KIF20B: variants seen among roughly 807,000 people sequenced by gnomAD.
The protein encoded by KIF20B is kinesin family member 20B.
Under a neutral mutation model 232.5 loss-of-function variants are expected in KIF20B, and 188 were observed. That is an observed-to-expected ratio of 0.81 (90% confidence interval 0.72 to 0.91). The LOEUF (loss-of-function observed/expected upper bound fraction) is 0.91, where lower values mean the gene tolerates loss of function less well. Among genes scored for constraint, KIF20B ranks in the 40% least tolerant of loss-of-function variants. The pLI, the probability that KIF20B is intolerant of heterozygous loss-of-function variation, is 0.00. For missense variants in KIF20B, 2,154 were observed against 2,055.9 expected (o/e 1.05, Z -0.92); for synonymous variants, 712 against 683.0 (o/e 1.04, Z -0.66).
At position 89,732,878 on chromosome 10, in the gene KIF20B, T is replaced by A. The variant is rs200022405; in HGVS notation, c.2392-25T>A. On this transcript the variant is annotated intron_variant, in intron 18 of 32. Transcript: ENST00000371728. ...TTTTTTGTAGCTTTCTATATGTGAA[T>A]TATTTTTAACTTATTTTGCTTTAGG... The A allele has an allele frequency of 8.8e-5, 132 of 1,501,070 alleles. 1 individual carries two copies. The highest frequency in any genetic ancestry group is 1.4e-5 in the Non-Finnish European group (16 of 1,118,018). The allele number at this position is 1,501,070 out of a possible 1,614,324, so 93.0% of individuals were successfully genotyped here. A position where few individuals can be genotyped will look rare whatever the true frequency, so the allele number is the denominator to read the frequency against.
chr10:89,757,938 T>C (rs1284054389), intron 26 of KIF20B, among the ~76,000 whole-genome samples: 4 of 151,978 alleles, frequency 2.6e-5, no homozygotes, highest in African/African-American at 7.2e-5. Flanking sequence ...CAGTTGACCA[T>C]GCATTTGTAG....
intron 30 of KIF20B, 91 bp downstream of exon 30, chr10:89,768,482 A>C: frequency 1.2e-6 from 1 of 834,146 alleles, no homozygotes; most frequent in Non-Finnish European, 1.9e-6. Flanking sequence ...TTTCCTATAC[A>C]TCTGATTCAG....
At chr10:89,716,338 C>A in intron 8 of KIF20B, 98 bp from the exon 9 acceptor site, 2 of 587,476 alleles carry the variant, frequency 3.4e-6, no homozygotes, top group Non-Finnish European at 3.0e-6. Flanking sequence ...AGAAAGATTT[C>A]ATTATATGTC....
intron 21 of KIF20B, among the ~76,000 whole-genome samples, chr10:89,740,099 G>A (rs1371887592): frequency 6.6e-6 from 1 of 152,120 alleles, no homozygotes; most frequent in African/African-American, 2.4e-5. Context: ...GATATGAAGT[G>A]TTATCTCATG....
At chr10:89,722,890 T>G (rs1040887095) in intron 13 of KIF20B, among the ~76,000 whole-genome samples, 6 of 152,184 alleles carry the variant, frequency 3.9e-5, no homozygotes, top group Non-Finnish European at 8.8e-5. Flanking sequence ...TATATATTAC[T>G]GTTTTGTAAC....
In KIF20B at chr10:89,738,445, A is replaced by C; in HGVS notation, c.3604A>C (p.Lys1202Gln). 1 of 1,603,114 alleles carries C rather than the reference A, an allele frequency of 6.2e-7. No homozygotes were observed. The highest frequency in any genetic ancestry group is 1.1e-5 in the South Asian group (1 of 87,458). Residue 1202 changes from lysine (K) to glutamine (Q), a missense_variant, in exon 20 of 33, where the codon AAG becomes CAG. Transcript: ENST00000371728. Reference sequence around the variant, plus strand: ...CATCTTAAAGCTAGAAAGAAATTTGAAGGAATTTCAAGAACATCTTCAGGA... The same window carrying C: ...CATCTTAAAGCTAGAAAGAAATTTGCAGGAATTTCAAGAACATCTTCAGGA... ...SIILKLERNLKEFQEHLQDSV... is the reference protein window; with the variant it reads ...SIILKLERNLQEFQEHLQDSV...
rs1052967471 is a variant in KIF20B, at chr10:89,723,856, G to C, written c.1723-108G>C. On this transcript the variant is annotated intron_variant, in intron 13 of 32. Coordinates refer to ENST00000371728, the MANE Select transcript of KIF20B (RefSeq NM_001284259.2). ...CATTATCACTATTAAAAAGGACACA[G>C]AATTACAATTGACTAAATGTAAAGT... is the stretch of plus-strand genomic sequence containing the variant. The C allele has an allele frequency of 1.6e-5, 14 of 901,088 alleles. No individual in the cohort carries two copies. In the African/African-American group the frequency reaches 2.1e-4, roughly 13 times the overall value. 55.8% of individuals were successfully genotyped at this position (901,088 alleles called of 1,614,324 possible).
At chr10:89,720,814 T>G (rs895250896) in intron 13 of KIF20B, among the ~76,000 whole-genome samples, 13 of 152,216 alleles carry the variant, frequency 8.5e-5, no homozygotes, top group Admixed American at 6.5e-4. Context: ...CAAGCGATTC[T>G]CCTGCCTCAG....
chr10:89,765,134 C>T (rs569152830), intron 29 of KIF20B, among the ~76,000 whole-genome samples: 1 of 152,064 alleles, frequency 6.6e-6, no homozygotes, highest in Admixed American at 6.6e-5. Context: ...GTTTTCCCAG[C>T]ACCATTTATT....
chr10:89,727,707 G>T, intron 16 of KIF20B, 149 bp from the exon 17 acceptor site: 1 of 620,830 alleles, frequency 1.6e-6, no homozygotes, highest in East Asian at 4.0e-5. Context: ...TTTTTTTAAT[G>T]AGTAGGGTGT....
At chr10:89,713,427 G>A (rs951847975) in intron 6 of KIF20B, among the ~76,000 whole-genome samples, 12 of 135,198 alleles carry the variant, frequency 8.9e-5, no homozygotes, top group East Asian at 4.2e-4. Context: ...CCTATGAAAT[G>A]ATTAAAATGT....
chr10:89,743,877 C>T lies in KIF20B; in HGVS notation c.3985C>T (p.Gln1329Ter), dbSNP rs1841857574. ...KINELEKKKN[Q>*]CSQELDMKQR... ...TAATGAACTGGAGAAAAAGAAAAAC[C>T]AGTGTTCTCAGGAATTAGATATGAA... The change falls in exon 22 of 33, where the codon CAG becomes TAG. Residue 1329 changes from glutamine (Q) to a stop codon, truncating the protein, a stop_gained. Coordinates refer to ENST00000371728, the MANE Select transcript of KIF20B (RefSeq NM_001284259.2). LOFTEE classifies it high-confidence loss of function. The T allele has an allele frequency of 1.3e-6, 2 of 1,589,852 alleles. No individual in the cohort carries two copies. The highest frequency in any genetic ancestry group is 1.7e-6 in the Non-Finnish European group (2 of 1,169,244).
intron 18 of KIF20B, among the ~76,000 whole-genome samples, chr10:89,730,749 A>G (rs918246731): frequency 1.3e-5 from 2 of 152,192 alleles, no homozygotes; most frequent in African/African-American, 4.8e-5. Context: ...GAGTAGTAGA[A>G]TAGGATAAGA....
intron 28 of KIF20B, 85 bp from the exon 29 acceptor site, chr10:89,762,553 G>T (rs3740037): frequency 1.0e-6 from 1 of 993,348 alleles, no homozygotes; most frequent in South Asian, 1.6e-5. Context: ...CATTGTCTTG[G>T]ATAGGCATTT....
chr10:89,715,169 T>G lies in KIF20B; in HGVS notation c.927T>G (p.Tyr309Ter). 6.3e-7 allele frequency: 1 copy of G among 1,589,038 alleles called. No homozygotes were observed. Among genetic ancestry groups the G allele is most frequent in the Non-Finnish European group, 8.6e-7 (1 of 1,165,696 alleles). Residue 309 changes from tyrosine to a stop codon, truncating the protein, a stop_gained, in exon 8 of 33, where the codon TAT becomes TAG. Coordinates refer to ENST00000371728, the MANE Select transcript of KIF20B (RefSeq NM_001284259.2). LOFTEE classifies it high-confidence loss of function. ...GCCTTTCCCAAGACGTAAAGGGCTA[T>G]TCTTTTATAAAAGGTATACTAATGA... ...MLRLSQDVKGYSFIKDLQWIQ... is the reference protein window; with the variant it reads ...MLRLSQDVKG
At chr10:89,718,670 T>G (rs1020475327) in intron 11 of KIF20B, 40 bp from the exon 12 acceptor site, 2 of 1,523,678 alleles carry the variant, frequency 1.3e-6, no homozygotes, top group Non-Finnish European at 1.8e-6. Context: ...TCATGAGATG[T>G]TTTTTAACTT....
intron 13 of KIF20B, among the ~76,000 whole-genome samples, chr10:89,720,224 A>G (rs1236091252): frequency 1.3e-5 from 2 of 152,200 alleles, no homozygotes; most frequent in Non-Finnish European, 2.9e-5. Context: ...TTTCTAATCT[A>G]GCACTGACAT....
In KIF20B at chr10:89,715,289, TATTAAC is replaced by T. The variant is rs200370217; in HGVS notation, c.940+113_940+118del. 1.3e-3 allele frequency: 887 copies of T among 689,606 alleles called. 12 individuals are homozygous for T. The Admixed American group carries it at 0.024, about 18-fold the overall frequency. The allele number at this position is 689,606 out of a possible 1,614,324, so 42.7% of individuals were successfully genotyped here. A position where few individuals can be genotyped will look rare whatever the true frequency, so the allele number is the denominator to read the frequency against. ...GAAAATTGAAAATTGTAATGCTAAT[TATTAAC>T]ATTAAGAGAAGAAGATAATTTTGTG... On this transcript the variant is annotated intron_variant, in intron 8 of 32. Transcript: ENST00000371728.
intron 13 of KIF20B, among the ~76,000 whole-genome samples, chr10:89,722,128 G>C (rs1843072307): frequency 6.6e-6 from 1 of 152,122 alleles, no homozygotes; most frequent in Non-Finnish European, 1.5e-5. Flanking sequence ...TGCCCAGGCT[G>C]ATCTTGAACC....
Sources: allele counts gnomAD v4.1 joint callset (sites outside exome capture counted in the v4.1 genomes callset), GRCh38; gene constraint gnomAD v4.1.1; transcripts MANE v1.5; gene names NCBI Gene and HGNC (gene_info 2026-07-23, HGNC 2026-07-21).